GUCY2C: variants seen among roughly 807,000 people sequenced by gnomAD.
GUCY2C encodes guanylyl cyclase C.
GUCY2C carries 118 observed loss-of-function variants against 131.1 expected under a neutral mutation model. The observed-to-expected ratio is 0.90, with a 90% CI of 0.78 to 1.05. The LOEUF is 1.05. Among genes scored for constraint, GUCY2C ranks in the 50% least tolerant of loss-of-function variants. The probability of loss-of-function intolerance (pLI) is 0.00; values close to 1 mark genes in which losing one functional copy is unlikely to be tolerated. For synonymous variants in GUCY2C, 452 were observed against 457.8 expected (o/e 0.99, Z 0.16); for missense variants, 1,161 against 1,304.4 (o/e 0.89, Z 1.69).
At chr12:14,694,468 A>G (rs1300520063) in intron 1 of GUCY2C, among the ~76,000 whole-genome samples, 1 of 152,222 alleles carries the variant, frequency 6.6e-6, no homozygotes, top group Non-Finnish European at 1.5e-5. Flanking sequence ...CATGATAGGT[A>G]CTTAGTAACT....
chr12:14,619,170 C>T, intron 24 of GUCY2C, 41 bp downstream of exon 24: 1 of 1,191,328 alleles, frequency 8.4e-7, no homozygotes, highest in Non-Finnish European at 1.3e-6. Flanking sequence ...TGCTGGAAAA[C>T]AGCATCTTTG....
chr12:14,688,838 A>G (rs1281528384), intron 1 of GUCY2C, among the ~76,000 whole-genome samples: 1 of 152,228 alleles, frequency 6.6e-6, no homozygotes, highest in African/African-American at 2.4e-5. Flanking sequence ...CAAAAATCCC[A>G]GGCAGGACCC....
intron 15 of GUCY2C, among the ~76,000 whole-genome samples, chr12:14,646,601 A>G (rs945547227): frequency 6.6e-6 from 1 of 152,240 alleles, no homozygotes; most frequent in Admixed American, 6.5e-5. Context: ...AGAATATAAA[A>G]TTATTGCTAA....
At chr12:14,681,275 G>A (rs1948342080) in intron 5 of GUCY2C, 81 bp downstream of exon 5, 2 of 1,249,168 alleles carry the variant, frequency 1.6e-6, no homozygotes, top group Admixed American at 1.8e-5. Flanking sequence ...TGCAGTGGAG[G>A]ATTTGTTGAA....
intron 1 of GUCY2C, among the ~76,000 whole-genome samples, chr12:14,694,950 C>T (rs1225104535): frequency 1.3e-5 from 2 of 152,028 alleles, no homozygotes; most frequent in African/African-American, 4.8e-5. Flanking sequence ...AATGAAATAT[C>T]CTACATCAGA....
intron 25 of GUCY2C, 79 bp from the exon 26 acceptor site, chr12:14,615,022 G>C (rs1199518190): frequency 4.5e-6 from 3 of 670,110 alleles, no homozygotes; most frequent in Non-Finnish European, 7.5e-6. Flanking sequence ...ATAATGATCT[G>C]TTTCTGTGAC....
chr12:14,670,814 A>C (rs1948091452), intron 9 of GUCY2C, among the ~76,000 whole-genome samples: 1 of 151,496 alleles, frequency 6.6e-6, no homozygotes, highest in Non-Finnish European at 1.5e-5. Context: ...CCTCTGAAAA[A>C]AATTTTTTTT....
intron 5 of GUCY2C, among the ~76,000 whole-genome samples, chr12:14,681,082 G>A (rs1948338811): frequency 6.6e-6 from 1 of 151,886 alleles, no homozygotes; most frequent in Non-Finnish European, 1.5e-5. Context: ...ATATCATTTG[G>A]GTTTATAAAA....
intron 24 of GUCY2C, 23 bp from the exon 25 acceptor site, chr12:14,616,750 A>G (rs1378654128): frequency 2.2e-6 from 3 of 1,388,862 alleles, no homozygotes; most frequent in Non-Finnish European, 1.0e-6. Flanking sequence ...ATTGACAAAT[A>G]AAAATCCCAG....
intron 1 of GUCY2C, 127 bp downstream of exon 1, chr12:14,696,105 G>GA: frequency 1.4e-6 from 1 of 718,102 alleles, no homozygotes. Context: ...TCATGAAATA[G>GA]AAAGGGGTTT....
intron 23 of GUCY2C, 70 bp downstream of exon 23, chr12:14,620,972 T>G: frequency 8.0e-7 from 1 of 1,242,502 alleles, no homozygotes; most frequent in East Asian, 2.4e-5. Context: ...AGACCTTTTA[T>G]CCTTTCTGAT....
chr12:14,625,252 T>G (rs926883163), intron 21 of GUCY2C, among the ~76,000 whole-genome samples: 9 of 152,152 alleles, frequency 5.9e-5, no homozygotes, highest in African/African-American at 2.2e-4. Flanking sequence ...ATCCCAGCTC[T>G]GCCATTCACT....
chr12:14,679,796 TACAGACAA>T (rs1565632870), intron 5 of GUCY2C, 43 bp from the exon 6 acceptor site: 3 of 1,002,178 alleles, frequency 3.0e-6, no homozygotes, highest in Non-Finnish European at 3.2e-6. Flanking sequence ...TATGACAGTC[TACAGACAA>T]ACAGGCAGGG....
chr12:14,652,157 T>C (rs549338718), intron 13 of GUCY2C, 127 bp from the exon 14 acceptor site: 1 of 217,912 alleles, frequency 4.6e-6, no homozygotes, highest in Non-Finnish European at 8.5e-6. Context: ...ATTTGATTGA[T>C]TTTTTATATT....
chr12:14,672,641 AG>A (rs1948139005), intron 9 of GUCY2C, among the ~76,000 whole-genome samples: 1 of 152,208 alleles, frequency 6.6e-6, no homozygotes, highest in South Asian at 2.1e-4. Flanking sequence ...ATTGATATAG[AG>A]GTATAGATAT....
chr12:14,664,653 A>G (rs1181041467), intron 10 of GUCY2C, among the ~76,000 whole-genome samples: 1 of 152,052 alleles, frequency 6.6e-6, no homozygotes, highest in Non-Finnish European at 1.5e-5. Flanking sequence ...ATTCTATTTA[A>G]CTCATCTCAC....
intron 15 of GUCY2C, 77 bp from the exon 16 acceptor site, chr12:14,645,392 A>C (rs1401825215): frequency 2.8e-6 from 2 of 710,952 alleles, no homozygotes; most frequent in Non-Finnish European, 5.0e-6. Context: ...GAAACAAATA[A>C]TGATCTTCAA....
intron 1 of GUCY2C, among the ~76,000 whole-genome samples, chr12:14,695,533 AGAGCTTGCAGT>A (rs924366580): frequency 3.4e-5 from 5 of 148,886 alleles, no homozygotes; most frequent in Admixed American, 2.0e-4. Context: ...CCTGGGAGGC[AGAGCTTGCAGT>A]GAGCCGAGAT....
At chr12:14,620,914 G>T in intron 23 of GUCY2C, 128 bp downstream of exon 23, 3 of 716,786 alleles carry the variant, frequency 4.2e-6, no homozygotes, top group Non-Finnish European at 4.5e-6. Context: ...CCTCACATTT[G>T]GCAAAAAGAA....
Sources: allele counts gnomAD v4.1 joint callset (sites outside exome capture counted in the v4.1 genomes callset), GRCh38; gene constraint gnomAD v4.1.1; transcripts MANE v1.5; gene names NCBI Gene and HGNC (gene_info 2026-07-23, HGNC 2026-07-21).